Variants in AMOTL2 observed in about 807,000 individuals in gnomAD.
AMOTL2 encodes the protein angiomotin-like protein 2.
Under a neutral mutation model 78.4 loss-of-function variants are expected in AMOTL2, and 33 were observed. The observed-to-expected ratio is 0.42, with a 90% CI of 0.32 to 0.56. AMOTL2 has a LOEUF of 0.56. AMOTL2 is among the 20% of genes least tolerant of loss of function. AMOTL2 has a pLI of 0.12. For synonymous variants in AMOTL2, 422 were observed against 428.8 expected (o/e 0.98, Z 0.20); for missense variants, 983 against 1,030.1 (o/e 0.95, Z 0.63).
rs373510592 is a variant in AMOTL2, at chr3:134,370,733, C to A, written c.701G>T (p.Arg234Leu). 44 of 1,511,408 alleles carry A rather than the reference C, an allele frequency of 2.9e-5. No homozygotes were observed. In the East Asian group the frequency reaches 8.4e-4, roughly 29 times the overall value. 93.6% of individuals were successfully genotyped at this position (1,511,408 alleles called of 1,614,324 possible). ...AGCATGCTGGAAGTGCGGGCTGCCG[C>A]GGGCACGGTACCGTGGGTCAGTGAC... ...TAVTDPRYRA[R>L]GSPHFQHAEV... The change falls in exon 2 of 10, where the codon CGC (arginine) becomes CTC (leucine). Residue 234 changes from arginine to leucine, a missense_variant. Physicochemically the swap from Arg to Leu is moderately radical, Grantham distance 102. Coordinates refer to ENST00000249883, the MANE Select transcript of AMOTL2 (RefSeq NM_016201.4).
intron 6 of AMOTL2, 144 bp downstream of exon 6, chr3:134,361,368 G>C: frequency 3.1e-6 from 3 of 960,798 alleles, no homozygotes; most frequent in Non-Finnish European, 4.5e-6. Flanking sequence ...AATCATCCTC[G>C]CCGCCTTCCA....
At chr3:134,374,233 G>C in intron 1 of AMOTL2, 109 bp downstream of exon 1, 1 of 985,396 alleles carries the variant, frequency 1.0e-6, no homozygotes, top group Non-Finnish European at 1.2e-6. Context: ...CTCGATCCTC[G>C]AGGCTCCGAC....
intron 7 of AMOTL2, among the ~76,000 whole-genome samples, 188 bp downstream of exon 7, chr3:134,359,918 G>A (rs774583478): frequency 1.3e-5 from 2 of 152,182 alleles, no homozygotes; most frequent in African/African-American, 2.4e-5. Flanking sequence ...CCAAGGACTC[G>A]GTATTTCTGG....
At position 134,361,748 on chromosome 3, in the gene AMOTL2, C is replaced by A. The variant is rs368196162; in HGVS notation, c.1339G>T (p.Ala447Ser). The change falls in exon 6 of 10, where the codon GCC becomes TCC. Residue 447 changes from alanine to serine, a missense_variant. Transcript: ENST00000249883. ...LEREMALLRG[A>S]IEDQRRRAEL... is the part of the protein sequence containing the mutation. ...GCACGCCGCCGCTGGTCCTCGATGGCGCCGCGCAGCAGTGCCATCTCTCGC... is the reference window on the plus strand; with the variant it reads ...GCACGCCGCCGCTGGTCCTCGATGGAGCCGCGCAGCAGTGCCATCTCTCGC... 2 of 1,594,292 alleles carry A rather than the reference C, an allele frequency of 1.3e-6. No homozygotes were observed. The highest frequency in any genetic ancestry group is 8.5e-7 in the Non-Finnish European group (1 of 1,169,624).
intron 2 of AMOTL2, 30 bp downstream of exon 2, chr3:134,370,670 A>G (rs771454587): frequency 1.3e-6 from 2 of 1,500,828 alleles, no homozygotes; most frequent in East Asian, 4.6e-5. Context: ...GAAAGCCAGG[A>G]GTTGGAAAGC....
Position 134,368,865 on chromosome 3 carries a change from C to T in AMOTL2, c.735-1062G>A, listed in dbSNP as rs532200690. ...CAGGGCTCCATGTTGAGGGAAGGAG[C>T]AAAGGGCAAGAGGCACGGGGAGTCC... is the stretch of plus-strand genomic sequence containing the variant. On this transcript the variant is annotated intron_variant, in intron 2 of 9. Coordinates refer to ENST00000249883, the MANE Select transcript of AMOTL2 (RefSeq NM_016201.4). 4.6e-5 allele frequency among the ~76,000 whole-genome samples: 7 copies of T among 152,286 alleles called. No individual in the cohort carries two copies. In the South Asian group the frequency reaches 1.4e-3, roughly 32 times the overall value.
chr3:134,375,205 C>T (rs1277846889), upstream of AMOTL2: 2 of 1,535,560 alleles, frequency 1.3e-6, no homozygotes, highest in Non-Finnish European at 1.7e-6. Context: ...AATCACCCGC[C>T]GCCAGGCGCT....
intron 1 of AMOTL2, chr3:134,373,512 G>A (rs2017959631): frequency 1.0e-6 from 1 of 985,452 alleles, no homozygotes; most frequent in Non-Finnish European, 1.2e-6. Context: ...CCCCGGCCGC[G>A]AACCTCTGCT....
chr3:134,373,576 C>T, intron 1 of AMOTL2: 2 of 985,512 alleles, frequency 2.0e-6, no homozygotes, highest in Non-Finnish European at 2.4e-6. Flanking sequence ...GCGCGCGTCT[C>T]CAGCCTTGGC....
Position 134,367,628 on chromosome 3 carries a change from C to T in AMOTL2, c.910G>A (p.Ala304Thr). ...EGPVSAQASS[A>T]TSGSAHLAQM... ...GCCAGGTGGGCACTGCCCGAGGTGG[C>T]TGAGGAGGCCTGGGCACTCACTGGC... Residue 304 changes from alanine (A) to threonine (T), a missense_variant, in exon 3 of 10, where the codon GCC (alanine) becomes ACC (threonine). Transcript: ENST00000249883. The T allele has an allele frequency of 6.2e-7, 1 of 1,613,372 alleles. No individual in the cohort carries two copies. The highest frequency in any genetic ancestry group is 8.5e-7 in the Non-Finnish European group (1 of 1,180,032).
upstream of AMOTL2, chr3:134,375,212 C>A (rs1278300702): frequency 1.8e-5 from 28 of 1,535,602 alleles, no homozygotes; most frequent in Middle Eastern, 1.7e-4. Context: ...CGCCGCCAGG[C>A]GCTCTGTCCA....
At position 134,357,727 on chromosome 3, in the gene AMOTL2, T is replaced by C; in HGVS notation, c.2321A>G (p.Asp774Gly). 1 of 1,614,192 alleles carries C rather than the reference T, an allele frequency of 6.2e-7. No homozygotes were observed. The highest frequency in any genetic ancestry group is 8.5e-7 in the Non-Finnish European group (1 of 1,180,032). ...VATSRVQDLS[D>G]MVEILI is the part of the protein sequence containing the mutation. ...CCTTCAGATCAGTATCTCCACCATG[T>C]CTGACAAGTCCTGGACTCTGGATGT... is the stretch of plus-strand genomic sequence containing the variant. Residue 774 changes from aspartate (D) to glycine (G), a missense_variant, in exon 10 of 10, where the codon GAC becomes GGC. By Grantham distance (94) the Asp-to-Gly change is moderately conservative (BLOSUM62 -1). Coordinates refer to ENST00000249883, the MANE Select transcript of AMOTL2 (RefSeq NM_016201.4).
intron 2 of AMOTL2, 115 bp from the exon 3 acceptor site, chr3:134,367,918 A>G: frequency 1.3e-6 from 1 of 770,270 alleles, no homozygotes; most frequent in Non-Finnish European, 2.1e-6. Flanking sequence ...AATTATTATC[A>G]ATAATTAATA....
At position 134,370,975 on chromosome 3, in the gene AMOTL2, C is replaced by T. The variant is rs761949198; in HGVS notation, c.459G>A (p.Gly153=). ...GCCGTTCACTCAACGAGCGCACGTG[C>T]CCATGCCTCAGCTCCCGCAGGGCCT... ...QDEALRELRH[G]HVRSLSERLL... The change falls in exon 2 of 10, where the codon GGG becomes GGA. Residue 153 remains glycine (G), a synonymous_variant. Transcript: ENST00000249883. The T allele has an allele frequency of 5.0e-6, 8 of 1,606,898 alleles. No homozygotes were observed. Among genetic ancestry groups the T allele is most frequent in the Admixed American group, 1.7e-5 (1 of 58,856 alleles).
Position 134,370,624 on chromosome 3 carries a change from C to T in AMOTL2, c.734+76G>A, listed in dbSNP as rs910984993. The T allele has an allele frequency of 1.0e-5, 15 of 1,474,026 alleles. No homozygotes were observed. In the African/African-American group the frequency reaches 2.1e-4, roughly 21 times the overall value. The allele number at this position is 1,474,026 out of a possible 1,614,324, so 91.3% of individuals were successfully genotyped here. A position where few individuals can be genotyped will look rare whatever the true frequency, so the allele number is the denominator to read the frequency against. On this transcript the variant is annotated intron_variant, in intron 2 of 9. Transcript: ENST00000249883. ...TGCTAGCTCTGACACAAGCTGTGAT[C>T]TTGAGGCTCTCCTCCCTGAGAGACC... is the stretch of plus-strand genomic sequence containing the variant.
At position 134,370,993 on chromosome 3, in the gene AMOTL2, C is replaced by T. The variant is rs1279887473; in HGVS notation, c.441G>A (p.Leu147=). 3 of 1,603,678 alleles carry T rather than the reference C, an allele frequency of 1.9e-6. No homozygotes were observed. The South Asian group carries it at 3.3e-5, about 18-fold the overall frequency. Residue 147 remains leucine, a synonymous_variant, in exon 2 of 10, where the codon CTG becomes CTA. Coordinates refer to ENST00000249883, the MANE Select transcript of AMOTL2 (RefSeq NM_016201.4). ...GCACGTGCCCATGCCTCAGCTCCCGCAGGGCCTCGTCCTGCCTCCGACTGC... is the reference window on the plus strand; with the variant it reads ...GCACGTGCCCATGCCTCAGCTCCCGTAGGGCCTCGTCCTGCCTCCGACTGC... ...PGGSRRQDEA[L]RELRHGHVRS...
chr3:134,375,240 T>TA, upstream of AMOTL2: 12 of 1,535,708 alleles, frequency 7.8e-6, no homozygotes, highest in Non-Finnish European at 1.0e-5. Context: ...CCCAAGGTGA[T>TA]AATAGGCGCC....
At position 134,361,737 on chromosome 3, in the gene AMOTL2, G is replaced by A; in HGVS notation, c.1350C>T (p.Asp450=). 6.2e-7 allele frequency: 1 copy of A among 1,605,198 alleles called. No homozygotes were observed. The highest frequency in any genetic ancestry group is 8.5e-7 in the Non-Finnish European group (1 of 1,175,694). Residue 450 remains aspartate (D), a synonymous_variant, in exon 6 of 10, where the codon GAC becomes GAT. Coordinates refer to ENST00000249883, the MANE Select transcript of AMOTL2 (RefSeq NM_016201.4). ...CCAGCAGCTCGGCACGCCGCCGCTG[G>A]TCCTCGATGGCGCCGCGCAGCAGTG... is the stretch of plus-strand genomic sequence containing the variant. The part of the protein sequence containing the change: ...EMALLRGAIE[D]QRRRAELLEQ...
In AMOTL2 at chr3:134,360,227, C is replaced by T; in HGVS notation, c.1762G>A (p.Ala588Thr). 2 of 1,614,148 alleles carry T rather than the reference C, an allele frequency of 1.2e-6. No individual in the cohort carries two copies. Among genetic ancestry groups the T allele is most frequent in the African/African-American group, 1.3e-5 (1 of 75,066 alleles). Residue 588 changes from alanine to threonine, a missense_variant, in exon 7 of 10, where the codon GCC becomes ACC. Physicochemically the swap from Ala to Thr is moderately conservative, Grantham distance 58. Coordinates refer to ENST00000249883, the MANE Select transcript of AMOTL2 (RefSeq NM_016201.4). ...GTGTCACGCTGAGCAGCAGCCGTGG[C>T]AGCCGCATCCATGGCAAACTGCCTC... is the stretch of plus-strand genomic sequence containing the variant. ...AMRQFAMDAA[A>T]TAAAQRDTTL...
Sources: allele counts gnomAD v4.1 joint callset (sites outside exome capture counted in the v4.1 genomes callset), GRCh38; gene constraint gnomAD v4.1.1; transcripts MANE v1.5; gene names NCBI Gene and HGNC (gene_info 2026-07-23, HGNC 2026-07-21).